FAAH2: variants seen among roughly 807,000 people sequenced by gnomAD.
The protein encoded by FAAH2 is fatty acid amide hydrolase 2.
A neutral mutation model predicts 36.9 loss-of-function variants in FAAH2; 60 were observed. The ratio of observed to expected loss-of-function variants is 1.63; its 90% CI spans 1.32 to 2.02. The LOEUF (loss-of-function observed/expected upper bound fraction) is 2.02, where lower values mean the gene tolerates loss of function less well. Ranked by LOEUF, FAAH2 falls within the 30% of genes most tolerant of loss-of-function variation. FAAH2 has a pLI of 0.00. For synonymous variants in FAAH2, 214 were observed against 143.8 expected (o/e 1.49, Z -3.49); for missense variants, 689 against 397.5 (o/e 1.73, Z -6.23).
chrX:57,477,924 C>T (rs187215907), intron 10 of FAAH2, among the ~76,000 whole-genome samples: 1 of 111,882 alleles, frequency 8.9e-6, no homozygotes, highest in African/African-American at 3.2e-5. Context: ...GTCTTTGCTA[C>T]TGTGAATAGT....
chrX:57,216,598 G>GTGTATATATATACGTATATATACGTA, the FAAH2 span, among the ~76,000 whole-genome samples: 1 of 4,689 alleles, frequency 2.1e-4, no homozygotes, highest in Non-Finnish European at 6.0e-4. Context: ...GTATATATAT[G>GTGTATATATATACGTATATATACGTA]TATATATATA....
chrX:57,393,489 G>C, intron 7 of FAAH2: 1 of 954,483 alleles, frequency 1.0e-6, no homozygotes, highest in Non-Finnish European at 1.5e-6. Flanking sequence ...AGTGTGATCC[G>C]GTCTGCAATG....
chrX:57,214,874 T>G, the FAAH2 span, among the ~76,000 whole-genome samples: 1 of 111,171 alleles, frequency 9.0e-6, no homozygotes, highest in East Asian at 2.8e-4. Flanking sequence ...TTTTTTCCAG[T>G]CTTATCTCTA....
chrX:57,214,602 T>G, the FAAH2 span, among the ~76,000 whole-genome samples: 1 of 111,013 alleles, frequency 9.0e-6, no homozygotes. Context: ...AATTTTTTTG[T>G]ATTTTTAGTA....
At chrX:57,249,693 G>A in the FAAH2 span, among the ~76,000 whole-genome samples, 1 of 111,993 alleles carries the variant, frequency 8.9e-6, no homozygotes, top group South Asian at 3.8e-4. Context: ...ATTGGACCAT[G>A]AGACCAAGTA....
At chrX:57,147,392 C>A in the FAAH2 span, among the ~76,000 whole-genome samples, 1 of 111,566 alleles carries the variant, frequency 9.0e-6, no homozygotes, top group Non-Finnish European at 1.9e-5. Context: ...TCTGTGGTGT[C>A]GGTTGTAATA....
the FAAH2 span, among the ~76,000 whole-genome samples, chrX:57,165,717 G>GA: frequency 5.5e-5 from 6 of 110,021 alleles, no homozygotes; most frequent in Non-Finnish European, 1.1e-4. Context: ...AATAAAAAAA[G>GA]AAAAAAAAGA....
intron 7 of FAAH2, among the ~76,000 whole-genome samples, chrX:57,415,757 T>A (rs1256271464): frequency 9.0e-6 from 1 of 111,365 alleles, no homozygotes; most frequent in East Asian, 2.8e-4. Flanking sequence ...GGTCTAGAGC[T>A]GAGTTCAAGT....
the FAAH2 span, among the ~76,000 whole-genome samples, chrX:57,232,292 A>G: frequency 9.0e-6 from 1 of 111,584 alleles, no homozygotes; most frequent in Non-Finnish European, 1.9e-5. Context: ...GGTTTATGGG[A>G]AGCAAGGACA....
intron 7 of FAAH2, among the ~76,000 whole-genome samples, chrX:57,424,001 G>A (rs952364140): frequency 9.0e-6 from 1 of 111,360 alleles, no homozygotes; most frequent in African/African-American, 3.3e-5. Context: ...ATAGCACTCA[G>A]AAAGGAGATA....
chrX:57,242,314 C>G, the FAAH2 span, among the ~76,000 whole-genome samples: 1 of 112,570 alleles, frequency 8.9e-6, no homozygotes, highest in South Asian at 3.7e-4. Flanking sequence ...CCCAGGCAAA[C>G]AGGGTCTGGA....
intron 5 of FAAH2, among the ~76,000 whole-genome samples, chrX:57,357,455 C>T (rs1355223017): frequency 9.0e-6 from 1 of 111,517 alleles, no homozygotes; most frequent in Non-Finnish European, 1.9e-5. Flanking sequence ...GGCTAATATC[C>T]AGAATCTACA....
At position 57,350,753 on chromosome X, in the gene FAAH2, G is replaced by A. The variant is rs749842865; in HGVS notation, c.742+9363G>A. Among the ~76,000 whole-genome samples, 148 of 110,993 alleles carry A rather than the reference G, an allele frequency of 1.3e-3. 1 individual carries two copies. Among genetic ancestry groups the A allele is most frequent in the Middle Eastern group, 4.6e-3 (1 of 216 alleles). On this transcript the variant is annotated intron_variant, in intron 5 of 10. Coordinates refer to ENST00000374900, the MANE Select transcript of FAAH2 (RefSeq NM_174912.4). ...CATTAAGTCAAAAACAATTAAAAAG[G>A]TGATTATATAATGATAAAGAAATCA...
chrX:57,262,054 T>G, the FAAH2 span, among the ~76,000 whole-genome samples: 1 of 90,388 alleles, frequency 1.1e-5, no homozygotes, highest in Admixed American at 1.2e-4. Context: ...CATTTTAACT[T>G]ATTGGAAATG....
chrX:57,155,347 A>G, the FAAH2 span, among the ~76,000 whole-genome samples: 3 of 111,486 alleles, frequency 2.7e-5, no homozygotes, highest in Admixed American at 2.8e-4. Flanking sequence ...TGTGGCTGCT[A>G]TGGCAGATGG....
At chrX:57,202,778 G>A in the FAAH2 span, among the ~76,000 whole-genome samples, 7 of 111,848 alleles carry the variant, frequency 6.3e-5, no homozygotes, top group African/African-American at 2.0e-4. Flanking sequence ...GGGACCCAGA[G>A]ACTAAATCTA....
the FAAH2 span, among the ~76,000 whole-genome samples, chrX:57,208,419 C>T: frequency 5.4e-5 from 6 of 112,059 alleles, no homozygotes; most frequent in African/African-American, 1.9e-4. Flanking sequence ...TCTGAGCTCC[C>T]CTTCTTACTC....
In FAAH2 at chrX:57,394,694, C is replaced by T. The variant is rs1393833563; in HGVS notation, c.996+13665C>T. 4 of 900,326 alleles carry T rather than the reference C, an allele frequency of 4.4e-6. No individual in the cohort carries two copies. The African/African-American group carries it at 7.9e-5, about 18-fold the overall frequency. The allele number at this position is 900,326 out of a possible 1,213,427, so 74.2% of individuals were successfully genotyped here. A position where few individuals can be genotyped will look rare whatever the true frequency, so the allele number is the denominator to read the frequency against. On this transcript the variant is annotated intron_variant, in intron 7 of 10. Coordinates refer to ENST00000374900, the MANE Select transcript of FAAH2 (RefSeq NM_174912.4). ...TTCTCCCATTTGTTTTTTTTATCAT[C>T]TGGGACATAATTGATTCCACAGTTG...
chrX:57,414,706 G>C (rs1602582089), intron 7 of FAAH2, among the ~76,000 whole-genome samples: 1 of 111,191 alleles, frequency 9.0e-6, no homozygotes, highest in Middle Eastern at 4.6e-3. Flanking sequence ...GCCAGGTTTT[G>C]GTATCAGGAT....
Sources: gnomAD v4.1 joint callset for allele counts (sites outside exome capture counted in the v4.1 genomes callset) on GRCh38, gnomAD v4.1.1 for gene constraint, MANE v1.5 for transcripts, NCBI Gene and HGNC (gene_info 2026-07-23, HGNC 2026-07-21) for gene names.